TSHZ3: variants seen among roughly 807,000 people sequenced by gnomAD.
The protein encoded by TSHZ3 is teashirt zinc finger homeobox 3.
A neutral mutation model predicts 64.5 loss-of-function variants in TSHZ3; 10 were observed. The ratio of observed to expected loss-of-function variants is 0.16; its 90% CI spans 0.10 to 0.26. The LOEUF is 0.26. Among genes scored for constraint, TSHZ3 ranks in the 10% least tolerant of loss-of-function variants. The pLI, the probability that TSHZ3 is intolerant of heterozygous loss-of-function variation, is 1.00. For missense variants in TSHZ3, 1,242 were observed against 1,421.7 expected (o/e 0.87, Z 2.03); for synonymous variants, 608 against 593.1 (o/e 1.03, Z -0.36).
chr19:31,179,736 G>A (rs973777646), intron 5 of TSHZ3, among the ~76,000 whole-genome samples: 1 of 150,372 alleles, frequency 6.7e-6, no homozygotes, highest in Non-Finnish European at 1.5e-5. Flanking sequence ...GGTAGGTGGT[G>A]GTGGTGGTGG....
At chr19:31,329,036 GC>G (rs1461186035) in intron 1 of TSHZ3, among the ~76,000 whole-genome samples, 1 of 152,134 alleles carries the variant, frequency 6.6e-6, no homozygotes, top group African/African-American at 2.4e-5. Flanking sequence ...ACTTCAAAGA[GC>G]CACATTTACA....
chr19:31,222,939 C>A (rs1026629134), intron 4 of TSHZ3, among the ~76,000 whole-genome samples: 8 of 152,172 alleles, frequency 5.3e-5, no homozygotes, highest in African/African-American at 1.9e-4. Context: ...GTCAGCGAGT[C>A]TCCCGCTGCC....
At chr19:31,157,552 T>A (rs1599551770) in intron 5 of TSHZ3, among the ~76,000 whole-genome samples, 1 of 152,134 alleles carries the variant, frequency 6.6e-6, no homozygotes, top group Admixed American at 6.5e-5. Context: ...AAAAGAGAGC[T>A]GCATAGATCA....
intron 5 of TSHZ3, among the ~76,000 whole-genome samples, chr19:31,178,833 G>A (rs1378604408): frequency 1.3e-5 from 2 of 152,196 alleles, no homozygotes; most frequent in Admixed American, 6.5e-5. Flanking sequence ...GATGCCTCCT[G>A]TAGAAGATAA....
chr19:31,177,000 G>A (rs189431957), intron 5 of TSHZ3, among the ~76,000 whole-genome samples: 1 of 152,250 alleles, frequency 6.6e-6, no homozygotes, highest in Non-Finnish European at 1.5e-5. Context: ...CCTCCATCCT[G>A]GCAATGCCAC....
At chr19:31,235,991 C>G (rs1435867283) in intron 3 of TSHZ3, among the ~76,000 whole-genome samples, 1 of 152,094 alleles carries the variant, frequency 6.6e-6, no homozygotes, top group African/African-American at 2.4e-5. Flanking sequence ...TGAGAGCTAC[C>G]GTGCCCAGCC....
At chr19:31,288,979 T>G (rs2145127104) in intron 1 of TSHZ3, among the ~76,000 whole-genome samples, 1 of 152,322 alleles carries the variant, frequency 6.6e-6, no homozygotes, top group South Asian at 2.1e-4. Flanking sequence ...TGAGCATCAG[T>G]TTCTTCATCA....
chr19:31,205,230 T>G (rs575581356), intron 4 of TSHZ3, among the ~76,000 whole-genome samples: 22 of 152,178 alleles, frequency 1.4e-4, no homozygotes, highest in Non-Finnish European at 2.5e-4. Context: ...ACTTGTTACC[T>G]TATGCAATTC....
intron 5 of TSHZ3, among the ~76,000 whole-genome samples, chr19:31,197,876 A>G (rs1054301407): frequency 2.2e-4 from 33 of 152,148 alleles, no homozygotes; most frequent in African/African-American, 7.5e-4. Flanking sequence ...TATTTAAGAG[A>G]AAAATAATAC....
intron 6 of TSHZ3, among the ~76,000 whole-genome samples, chr19:31,152,324 G>A (rs1974252387): frequency 6.6e-6 from 1 of 151,638 alleles, no homozygotes; most frequent in Non-Finnish European, 1.5e-5. Context: ...TTATGTGGAA[G>A]GTGCTTCTGT....
At chr19:31,170,544 T>C (rs1455472440) in intron 5 of TSHZ3, among the ~76,000 whole-genome samples, 1 of 152,210 alleles carries the variant, frequency 6.6e-6, no homozygotes, top group Non-Finnish European at 1.5e-5. Context: ...GCATCCCACA[T>C]CTACATGCTC....
In TSHZ3 at chr19:31,277,843, G is replaced by C. The variant is rs769580882; in HGVS notation, c.1950C>G (p.Val650=). 1.9e-6 allele frequency: 3 copies of C among 1,584,934 alleles called. No individual in the cohort carries two copies. Among genetic ancestry groups the C allele is most frequent in the South Asian group, 2.4e-5 (2 of 85,078 alleles). The part of the protein sequence containing the change: ...RATPSPCSSE[V]GEPIKMEASS... ...ATGCCTCCATCTTGATGGGTTCCCC[G>C]ACTTCGCTGCTACATGGGGAGGGAG... Residue 650 remains valine, a synonymous_variant, in exon 2 of 2, where the codon GTC becomes GTG. Coordinates refer to ENST00000240587, the MANE Select transcript of TSHZ3 (RefSeq NM_020856.4). The surrounding 1 kb of genome is among the most constrained non-coding windows in gnomAD (Gnocchi z 4.5).
At chr19:31,174,343 AC>A (rs1974579469) in intron 5 of TSHZ3, among the ~76,000 whole-genome samples, 1 of 152,208 alleles carries the variant, frequency 6.6e-6, no homozygotes, top group South Asian at 2.1e-4. Flanking sequence ...AGAAGGAGCT[AC>A]CTGTTCCTCC....
chr19:31,238,185 T>C (rs1289745859), intron 3 of TSHZ3, among the ~76,000 whole-genome samples: 1 of 152,112 alleles, frequency 6.6e-6, no homozygotes, highest in Non-Finnish European at 1.5e-5. Flanking sequence ...AAAAGAGAAA[T>C]GTTAAAATTT....
chr19:31,299,199 AAAAGTGTG>A (rs974407118), intron 1 of TSHZ3, among the ~76,000 whole-genome samples: 1 of 152,180 alleles, frequency 6.6e-6, no homozygotes, highest in African/African-American at 2.4e-5. Context: ...CATCTCAAAA[AAAAGTGTG>A]ACACACAACC....
At chr19:31,184,838 C>T (rs1014321756) in intron 5 of TSHZ3, among the ~76,000 whole-genome samples, 3 of 152,158 alleles carry the variant, frequency 2.0e-5, no homozygotes, top group Non-Finnish European at 4.4e-5. Flanking sequence ...CAAGAAAGCC[C>T]AACCAAGAGT....
rs150881441 is a variant in TSHZ3, at chr19:31,323,241, C to T, written c.40+25939G>A. Among the ~76,000 whole-genome samples, 236 of 152,306 alleles carry T rather than the reference C, an allele frequency of 1.5e-3. 1 individual carries two copies. Among genetic ancestry groups the T allele is most frequent in the East Asian group, 0.01 (54 of 5,166 alleles). ...CCAGCCAGGAGCTGCCCAACTCACC[C>T]AGGAGCATGCTGCCACCGTAGATCC... On this transcript the variant is annotated intron_variant, in intron 1 of 1. Transcript: ENST00000240587.
intron 5 of TSHZ3, among the ~76,000 whole-genome samples, chr19:31,179,398 G>A (rs557279174): frequency 2.0e-5 from 3 of 152,336 alleles, no homozygotes; most frequent in African/African-American, 7.2e-5. Flanking sequence ...ATCTCTTGTA[G>A]TGCTCCCAAT....
downstream of TSHZ3, among the ~76,000 whole-genome samples, chr19:31,273,737 A>G (rs1001161685): frequency 6.6e-6 from 1 of 152,204 alleles, no homozygotes; most frequent in Non-Finnish European, 1.5e-5. Flanking sequence ...GGAGGGAAAC[A>G]TATGTGTCCT....
Sources: allele counts gnomAD v4.1 joint callset (sites outside exome capture counted in the v4.1 genomes callset), GRCh38; gene constraint gnomAD v4.1.1; non-coding constraint Gnocchi (gnomAD v3.1); transcripts MANE v1.5; gene names NCBI Gene and HGNC (gene_info 2026-07-23, HGNC 2026-07-21).